BDP1: variants seen among roughly 807,000 people sequenced by gnomAD.
The protein encoded by BDP1 is transcription factor TFIIIB component B'' homolog.
BDP1 carries 169 observed loss-of-function variants against 266.6 expected under a neutral mutation model. That is an observed-to-expected ratio of 0.63 (90% CI 0.56 to 0.72). The LOEUF is 0.72. BDP1 is among the 30% of genes least tolerant of loss of function. BDP1 has a pLI of 0.00. For synonymous variants in BDP1, 1,090 were observed against 1,022.4 expected, an observed-to-expected ratio of 1.07 and a Z score of -1.26; for missense variants, 3,015 against 3,053.8, an observed-to-expected ratio of 0.99 and a Z score of 0.30.
rs557016471 is a variant in BDP1, at chr5:71,558,956, G to A, written c.7241-1026G>A. On this transcript the variant is annotated intron_variant, in intron 36 of 38. Transcript: ENST00000358731. ...GTCACTTGAGGTCAGGAGTTCGGGAGCAGCCTGGACAACATGGTGAAACAC... is the reference window on the plus strand; with the variant it reads ...GTCACTTGAGGTCAGGAGTTCGGGAACAGCCTGGACAACATGGTGAAACAC... Among the ~76,000 whole-genome samples the A allele has an allele frequency of 2.0e-5, 3 of 152,016 alleles. 1 individual carries two copies. The South Asian group carries it at 6.2e-4, about 32-fold the overall frequency.
chr5:71,493,451 A>T (rs886459588), intron 11 of BDP1, among the ~76,000 whole-genome samples: 1 of 151,924 alleles, frequency 6.6e-6, no homozygotes, highest in Non-Finnish European at 1.5e-5. Context: ...TTTAGTAGAG[A>T]TGTTTTCCAG....
intron 7 of BDP1, among the ~76,000 whole-genome samples, chr5:71,478,133 C>T (rs1241973024): frequency 6.6e-6 from 1 of 152,034 alleles, no homozygotes; most frequent in Non-Finnish European, 1.5e-5. Flanking sequence ...GCCTGTAATC[C>T]CAGCTACTCG....
intron 32 of BDP1, 23 bp from the exon 33 acceptor site, chr5:71,548,655 CTCTT>C (rs1742508561): frequency 6.7e-7 from 1 of 1,499,858 alleles, no homozygotes; most frequent in Non-Finnish European, 9.3e-7. Context: ...GCCAACCTGA[CTCTT>C]TCATTTTAAT....
At chr5:71,472,881 TC>T (rs1762335139) in intron 7 of BDP1, among the ~76,000 whole-genome samples, 1 of 132,872 alleles carries the variant, frequency 7.5e-6, no homozygotes, top group Non-Finnish European at 1.6e-5. Context: ...GTATTTTCTC[TC>T]TCTCTCTTTT....
Position 71,557,195 on chromosome 5 carries a change from A to G in BDP1, c.7240+270A>G, listed in dbSNP as rs6872671. 0.79 allele frequency among the ~76,000 whole-genome samples: 120,076 copies of G among 151,688 alleles called. 48,003 individuals are homozygous for G. The highest frequency in any genetic ancestry group is 0.87 in the East Asian group (4,491 of 5,138). On this transcript the variant is annotated intron_variant, in intron 36 of 38. Transcript: ENST00000358731. ...TAACTACACTTTAGGAGTTAGCTGA[A>G]TGTAATGGCTTTTTTTCTCCCCCGC...
chr5:71,563,771 G>T (rs539931185), intron 38 of BDP1, among the ~76,000 whole-genome samples: 1 of 152,144 alleles, frequency 6.6e-6, no homozygotes, highest in Non-Finnish European at 1.5e-5. Flanking sequence ...ATTTAATCAG[G>T]CACGGTGGTG....
At chr5:71,481,054 G>A (rs143434663) in intron 7 of BDP1, among the ~76,000 whole-genome samples, 210 of 151,652 alleles carry the variant, frequency 1.4e-3, no homozygotes, top group Non-Finnish European at 2.2e-3. Context: ...TGCGCCTGTA[G>A]TCCCAGCTAC....
rs1212500209 is a variant in BDP1 at position 71,491,051 on chromosome 5, C to T, written c.1560C>T (p.Cys520=). 2.5e-6 allele frequency: 4 copies of T among 1,613,912 alleles called. No homozygotes were observed. In the African/African-American group the frequency reaches 4.0e-5, roughly 16 times the overall value. ...GCAGTAAGGAGCAGATGCTTTCCTG[C>T]ACACAAAACATAGATGGCATTGTGG... is the stretch of plus-strand genomic sequence containing the variant. ...GECSKEQMLS[C]TQNIDGIVGF... The change falls in exon 11 of 39, where the codon TGC becomes TGT. Residue 520 remains cysteine (C), a synonymous_variant. Transcript: ENST00000358731.
At chr5:71,569,402 T>G (rs1243770246), downstream of BDP1, among the ~76,000 whole-genome samples, 1 of 151,568 alleles carries the variant, frequency 6.6e-6, no homozygotes, top group Non-Finnish European at 1.5e-5. Context: ...CAGTGAGGTA[T>G]GATCGTGCCA....
At chr5:71,497,196 CAGT>C (rs1170970681) in intron 12 of BDP1, 71 bp from the exon 13 acceptor site, 5 of 1,362,830 alleles carry the variant, frequency 3.7e-6, no homozygotes, top group Non-Finnish European at 5.1e-6. Context: ...TCCTAATTCT[CAGT>C]AGGTTATTTT....
intron 7 of BDP1, among the ~76,000 whole-genome samples, chr5:71,479,189 C>T (rs1482378067): frequency 6.6e-6 from 1 of 151,752 alleles, no homozygotes; most frequent in African/African-American, 2.4e-5. Context: ...ACCACAGGTG[C>T]CCGTCATGCG....
intron 26 of BDP1, among the ~76,000 whole-genome samples, chr5:71,537,149 C>CAAAAAAAAAAAAAAAAAAAAAAA (rs70992979): frequency 1.2e-4 from 10 of 82,430 alleles, no homozygotes; most frequent in Admixed American, 3.2e-4. Flanking sequence ...ACCAAAAAAC[C>CAAAAAAAAAAAAAAAAAAAAAAA]AAAAAAAAAA....
chr5:71,549,587 G>A lies in BDP1; in HGVS notation c.6976G>A (p.Glu2326Lys), dbSNP rs780747194. The change falls in exon 34 of 39, where the codon GAA (glutamate) becomes AAA (lysine). Residue 2326 changes from glutamate to lysine, a missense_variant. Glu to Lys is a moderately conservative substitution (Grantham distance 56). This residue lies in a region of BDP1 where 629 missense variants were observed against 632.5 expected (regional missense o/e 0.99). Coordinates refer to ENST00000358731, the MANE Select transcript of BDP1 (RefSeq NM_018429.3). ...APILVKSVNTEERGDMSICLP... is the reference protein window; with the variant it reads ...APILVKSVNTKERGDMSICLP... ...CATATTGGTCAAATCAGTGAATACC[G>A]AAGAAAGGGGTGACATGAGGTAACG... 1.2e-5 allele frequency: 20 copies of A among 1,603,384 alleles called. No homozygotes were observed. The highest frequency in any genetic ancestry group is 1.7e-4 in the Middle Eastern group (1 of 6,026).
intron 16 of BDP1, among the ~76,000 whole-genome samples, chr5:71,506,996 T>G (rs1286710294): frequency 6.6e-6 from 1 of 151,924 alleles, no homozygotes; most frequent in Non-Finnish European, 1.5e-5. Context: ...AATTTTTAAA[T>G]TTTTTTGTAG....
chr5:71,576,494 G>T, the BDP1 span, among the ~76,000 whole-genome samples: 3 of 152,132 alleles, frequency 2.0e-5, no homozygotes, highest in Non-Finnish European at 4.4e-5. Flanking sequence ...TAATGTAACC[G>T]GTGTGCTAAC....
chr5:71,494,549 A>G (rs186787115), intron 11 of BDP1: 2 of 152,292 alleles, frequency 1.3e-5, no homozygotes, highest in East Asian at 3.9e-4. Context: ...TGTTAACTCA[A>G]CTTGAGCTTA....
intron 12 of BDP1, 100 bp from the exon 13 acceptor site, chr5:71,497,170 C>G (rs1454209589): frequency 2.0e-6 from 2 of 1,022,262 alleles, no homozygotes; most frequent in East Asian, 4.8e-5. Context: ...TCTAAGTAAG[C>G]TCTTAAAGGA....
intron 16 of BDP1, among the ~76,000 whole-genome samples, chr5:71,508,352 G>C (rs760272238): frequency 4.6e-5 from 7 of 152,124 alleles, no homozygotes; most frequent in Non-Finnish European, 1.0e-4. Context: ...TGCCCAATCT[G>C]GAGTGCAGTG....
intron 7 of BDP1, among the ~76,000 whole-genome samples, chr5:71,480,935 G>C (rs914724283): frequency 2.6e-5 from 4 of 152,142 alleles, no homozygotes; most frequent in Non-Finnish European, 4.4e-5. Context: ...CCAACACTTT[G>C]GGAGGCCAAG....
Sources: gnomAD v4.1 joint callset for allele counts (sites outside exome capture counted in the v4.1 genomes callset) on GRCh38, gnomAD v4.1.1 for gene constraint, gnomAD v4.1.1 regional missense constraint, MANE v1.5 for transcripts, NCBI Gene and HGNC (gene_info 2026-07-23, HGNC 2026-07-21) for gene names.